The following GRM7 variants were observed in gnomAD, a reference collection of about 807,000 sequenced individuals.
The protein encoded by GRM7 is metabotropic glutamate receptor 7.
In GRM7, 35 loss-of-function variants were observed where a neutral mutation model predicts 84.5. That is an observed-to-expected ratio of 0.41 (90% confidence interval 0.32 to 0.55). The LOEUF is 0.55. GRM7 is among the 20% of genes least tolerant of loss of function. The pLI, the probability that GRM7 is intolerant of heterozygous loss-of-function variation, is 0.19. For synonymous variants in GRM7, 487 were observed against 455.1 expected, an observed-to-expected ratio of 1.07 and a Z score of -0.89; for missense variants, 1,003 against 1,194.6, an observed-to-expected ratio of 0.84 and a Z score of 2.36.
intron 8 of GRM7, among the ~76,000 whole-genome samples, chr3:7,591,297 A>G (rs937234064): frequency 1.3e-5 from 2 of 152,214 alleles, no homozygotes; most frequent in African/African-American, 4.8e-5. Context: ...TTGATTATGA[A>G]TGAATATATT....
chr3:7,323,877 C>A (rs1291625224), intron 4 of GRM7, among the ~76,000 whole-genome samples: 1 of 152,126 alleles, frequency 6.6e-6, no homozygotes, highest in Non-Finnish European at 1.5e-5. Flanking sequence ...ATAATTTGAT[C>A]TACTAGTTGG....
At chr3:6,980,328 T>C (rs1694154064) in intron 1 of GRM7, among the ~76,000 whole-genome samples, 1 of 152,158 alleles carries the variant, frequency 6.6e-6, no homozygotes, top group Non-Finnish European at 1.5e-5. Context: ...TGATCTTCTC[T>C]CCAAAAAATG....
At chr3:7,544,382 C>T (rs957167167) in intron 7 of GRM7, among the ~76,000 whole-genome samples, 1 of 152,098 alleles carries the variant, frequency 6.6e-6, no homozygotes, top group Non-Finnish European at 1.5e-5. Flanking sequence ...TCTCAAATTC[C>T]TGGCTTCAAG....
chr3:7,018,413 T>G (rs1695651892), intron 1 of GRM7, among the ~76,000 whole-genome samples: 1 of 152,206 alleles, frequency 6.6e-6, no homozygotes, highest in South Asian at 2.1e-4. Context: ...CCATGGAACT[T>G]TCTAAGTGTC....
intron 7 of GRM7, among the ~76,000 whole-genome samples, chr3:7,546,361 G>A (rs1165028795): frequency 1.3e-5 from 2 of 152,076 alleles, no homozygotes; most frequent in Non-Finnish European, 2.9e-5. Flanking sequence ...AGTAGGATGG[G>A]GACTACTAAG....
intron 9 of GRM7, among the ~76,000 whole-genome samples, chr3:7,692,325 G>A (rs577750418): frequency 6.6e-6 from 1 of 152,150 alleles, no homozygotes; most frequent in African/African-American, 2.4e-5. Flanking sequence ...TAGTTCTGGG[G>A]TATGTCTTGA....
At chr3:6,998,191 C>T (rs1455235637) in intron 1 of GRM7, among the ~76,000 whole-genome samples, 1 of 138,434 alleles carries the variant, frequency 7.2e-6, no homozygotes, top group South Asian at 2.4e-4. Flanking sequence ...TGGTTAAATA[C>T]ACCCATTCCA....
At chr3:7,232,671 A>C (rs1025754854) in intron 2 of GRM7, among the ~76,000 whole-genome samples, 6 of 152,178 alleles carry the variant, frequency 3.9e-5, no homozygotes, top group African/African-American at 1.4e-4. Context: ...TGTGTCAAGC[A>C]CTGTGTCTGG....
intron 2 of GRM7, among the ~76,000 whole-genome samples, chr3:7,156,574 C>T (rs908053205): frequency 3.9e-5 from 6 of 152,076 alleles, no homozygotes; most frequent in African/African-American, 7.2e-5. Context: ...ACAGGGAGAA[C>T]GCATCCCCAT....
At chr3:7,344,181 T>A (rs1415017015) in intron 4 of GRM7, among the ~76,000 whole-genome samples, 1 of 152,078 alleles carries the variant, frequency 6.6e-6, no homozygotes, top group African/African-American at 2.4e-5. Context: ...TATAGATTAT[T>A]CCATCACCAG....
intron 4 of GRM7, among the ~76,000 whole-genome samples, chr3:7,318,897 G>C (rs1158800499): frequency 1.3e-5 from 2 of 152,060 alleles, no homozygotes; most frequent in African/African-American, 4.8e-5. Flanking sequence ...ATTGCAAAAA[G>C]AGCTGACTGC....
At chr3:7,078,151 C>G (rs775545356) in intron 1 of GRM7, among the ~76,000 whole-genome samples, 1 of 152,162 alleles carries the variant, frequency 6.6e-6, no homozygotes, top group African/African-American at 2.4e-5. Flanking sequence ...GTGATGAATT[C>G]TGGTATTGAT....
chr3:7,313,137 C>T (rs1189160446), intron 4 of GRM7, among the ~76,000 whole-genome samples: 1 of 152,010 alleles, frequency 6.6e-6, no homozygotes, highest in Admixed American at 6.6e-5. Flanking sequence ...CCATGTTGGT[C>T]AGGCTGGTCT....
At chr3:7,530,713 C>T (rs527410536) in intron 7 of GRM7, among the ~76,000 whole-genome samples, 1 of 151,694 alleles carries the variant, frequency 6.6e-6, no homozygotes, top group East Asian at 1.9e-4. Flanking sequence ...GGCTTTTTTT[C>T]ATATGTTTCT....
intron 9 of GRM7, among the ~76,000 whole-genome samples, chr3:7,725,191 T>A (rs748577880): frequency 1.1e-4 from 16 of 152,134 alleles, no homozygotes; most frequent in Admixed American, 2.6e-4. Flanking sequence ...AACTGGGGGT[T>A]GGCAAGTGCT....
intron 2 of GRM7, among the ~76,000 whole-genome samples, chr3:7,267,745 A>G (rs1698699376): frequency 6.6e-6 from 1 of 152,178 alleles, no homozygotes; most frequent in South Asian, 2.1e-4. Context: ...AGGGATGAGA[A>G]AGGAATCATG....
intron 1 of GRM7, among the ~76,000 whole-genome samples, chr3:6,917,825 T>C (rs1696994692): frequency 6.6e-6 from 1 of 152,164 alleles, no homozygotes; most frequent in African/African-American, 2.4e-5. Context: ...CATATCTATA[T>C]TTTCATAACT....
intron 8 of GRM7, among the ~76,000 whole-genome samples, chr3:7,642,539 C>T (rs1327367332): frequency 6.6e-6 from 1 of 152,050 alleles, no homozygotes; most frequent in Admixed American, 6.6e-5. Context: ...GACATTTGGT[C>T]AAGTAAGTCT....
chr3:6,875,381 A>T (rs1345893653), intron 1 of GRM7, among the ~76,000 whole-genome samples: 1 of 152,168 alleles, frequency 6.6e-6, no homozygotes, highest in Non-Finnish European at 1.5e-5. Flanking sequence ...AAATTGAATC[A>T]TGGGGGTGGT....
Sources: gnomAD v4.1 joint callset for allele counts (sites outside exome capture counted in the v4.1 genomes callset) on GRCh38, gnomAD v4.1.1 for gene constraint, MANE v1.5 for transcripts, NCBI Gene and HGNC (gene_info 2026-07-23, HGNC 2026-07-21) for gene names.